The following EGLN1 variants were observed in gnomAD, a reference collection of about 807,000 sequenced individuals.
The protein encoded by EGLN1 is egl-9 family hypoxia inducible factor 1.
EGLN1 carries 17 observed loss-of-function variants against 38.3 expected under a neutral mutation model. The observed-to-expected ratio is 0.44, with a 90% confidence interval of 0.30 to 0.67. The LOEUF (loss-of-function observed/expected upper bound fraction) is 0.67, where lower values mean the gene tolerates loss of function less well. Among genes scored for constraint, EGLN1 ranks in the 30% least tolerant of loss-of-function variants. The probability of loss-of-function intolerance (pLI) is 0.08; values close to 1 mark genes in which losing one functional copy is unlikely to be tolerated. For synonymous variants in EGLN1, 283 were observed against 257.5 expected, an observed-to-expected ratio of 1.10 and a Z score of -0.95; for missense variants, 477 against 603.3, an observed-to-expected ratio of 0.79 and a Z score of 2.19.
intron 1 of EGLN1, among the ~76,000 whole-genome samples, chr1:231,400,645 G>C (rs139860423): frequency 6.6e-6 from 1 of 152,124 alleles, no homozygotes; most frequent in Non-Finnish European, 1.5e-5. Context: ...GTTTTTCCTT[G>C]AGTGTGAGTT....
intron 1 of EGLN1, among the ~76,000 whole-genome samples, chr1:231,394,545 ATTTT>A (rs59597792): frequency 0.55 from 77,118 of 141,248 alleles, 22,193 homozygotes; most frequent in Non-Finnish European, 0.65. Flanking sequence ...CGCCCGACTA[ATTTT>A]TTTTTTTTTT....
At chr1:231,377,325 AC>A (rs1687985150) in intron 1 of EGLN1, among the ~76,000 whole-genome samples, 1 of 152,218 alleles carries the variant, frequency 6.6e-6, no homozygotes, top group African/African-American at 2.4e-5. Context: ...GGAATTAACC[AC>A]TGTACTAGAC....
intron 1 of EGLN1, among the ~76,000 whole-genome samples, chr1:231,414,445 GAGT>G (rs1286804938): frequency 1.3e-5 from 2 of 152,182 alleles, no homozygotes; most frequent in Non-Finnish European, 2.9e-5. Context: ...AGGAAAACAG[GAGT>G]AAACTGTCAC....
intron 1 of EGLN1, among the ~76,000 whole-genome samples, chr1:231,377,697 T>C (rs1014965206): frequency 2.6e-5 from 4 of 152,148 alleles, no homozygotes; most frequent in Non-Finnish European, 5.9e-5. Context: ...GGGATCTGTT[T>C]GTATTATTCA....
chr1:231,394,648 C>T (rs1178659177), intron 1 of EGLN1, among the ~76,000 whole-genome samples: 1 of 151,820 alleles, frequency 6.6e-6, no homozygotes, highest in Non-Finnish European at 1.5e-5. Flanking sequence ...CTCAGCCTCC[C>T]CAAGTGCTGG....
chr1:231,419,546 C>A (rs935553703), intron 1 of EGLN1, among the ~76,000 whole-genome samples: 1 of 151,980 alleles, frequency 6.6e-6, no homozygotes, highest in Non-Finnish European at 1.5e-5. Context: ...TCAGATGTGA[C>A]AATTTCTTAA....
chr1:231,419,189 A>G (rs1656467731), intron 1 of EGLN1, among the ~76,000 whole-genome samples: 1 of 152,192 alleles, frequency 6.6e-6, no homozygotes, highest in Non-Finnish European at 1.5e-5. Context: ...TTACCTGCTA[A>G]TATGTACAGT....
intron 1 of EGLN1, among the ~76,000 whole-genome samples, chr1:231,405,614 G>A (rs926652272): frequency 6.6e-6 from 1 of 152,136 alleles, no homozygotes; most frequent in Admixed American, 6.5e-5. Context: ...CAGTAGTAGA[G>A]AGCCAGATGA....
chr1:231,373,932 A>G, intron 2 of EGLN1, 48 bp downstream of exon 2: 1 of 1,606,646 alleles, frequency 6.2e-7, no homozygotes, highest in Non-Finnish European at 8.5e-7. Context: ...TGCTTTTGAG[A>G]AAAAGACACC....
chr1:231,420,948 C>T (rs750727423), intron 1 of EGLN1, 50 bp downstream of exon 1: 4 of 1,613,778 alleles, frequency 2.5e-6, no homozygotes, highest in South Asian at 2.2e-5. Context: ...CAGGCAGGGG[C>T]TGCCCGCCGA....
intron 1 of EGLN1, among the ~76,000 whole-genome samples, chr1:231,411,902 GGGA>G (rs2102937411): frequency 6.6e-6 from 1 of 151,554 alleles, no homozygotes; most frequent in Non-Finnish European, 1.5e-5. Context: ...AGGAGGCTGA[GGGA>G]GGAGAATCAC....
chr1:231,379,113 G>A (rs1688022505), intron 1 of EGLN1, among the ~76,000 whole-genome samples: 1 of 152,198 alleles, frequency 6.6e-6, no homozygotes, highest in Non-Finnish European at 1.5e-5. Flanking sequence ...GGCAGAGGCA[G>A]GATATGAACT....
intron 1 of EGLN1, among the ~76,000 whole-genome samples, chr1:231,420,767 C>A (rs958734044): frequency 3.3e-5 from 5 of 152,058 alleles, no homozygotes; most frequent in Admixed American, 3.3e-4. Flanking sequence ...TGCAATTAGC[C>A]GGAGAAGTTT....
intron 4 of EGLN1, among the ~76,000 whole-genome samples, chr1:231,366,848 G>A (rs1267793295): frequency 6.6e-6 from 1 of 152,164 alleles, no homozygotes; most frequent in Non-Finnish European, 1.5e-5. Context: ...ATGTAAGGTC[G>A]ACGTGCGATT....
At chr1:231,395,062 G>A (rs1688486650) in intron 1 of EGLN1, among the ~76,000 whole-genome samples, 1 of 152,080 alleles carries the variant, frequency 6.6e-6, no homozygotes, top group Non-Finnish European at 1.5e-5. Flanking sequence ...AACCAGTGTT[G>A]GTTTGGGAGC....
At chr1:231,416,580 A>G (rs2050791) in intron 1 of EGLN1, among the ~76,000 whole-genome samples, 22,935 of 151,782 alleles carry the variant, frequency 0.15, 2,115 homozygotes, top group African/African-American at 0.25. Context: ...TGCCCAAGCC[A>G]GTCTTGAACT....
At position 231,366,565 on chromosome 1, in the gene EGLN1, G is replaced by A. The variant is rs1328756555; in HGVS notation, c.1217-90C>T. ...CATTCCACTGAATTCCTAAGAGTAT[G>A]GACAATATTTCAACTTTGCAAACAT... On this transcript the variant is annotated intron_variant, in intron 4 of 4. Coordinates refer to ENST00000366641, the MANE Select transcript of EGLN1 (RefSeq NM_022051.3). The A allele has an allele frequency of 5.3e-5, 66 of 1,249,930 alleles. 1 individual carries two copies. Among genetic ancestry groups the A allele is most frequent in the Middle Eastern group, 1.9e-4 (1 of 5,378 alleles). The allele number at this position is 1,249,930 out of a possible 1,614,324, so 77.4% of individuals were successfully genotyped here. A position where few individuals can be genotyped will look rare whatever the true frequency, so the allele number is the denominator to read the frequency against.
At chr1:231,378,228 A>G (rs1688003843) in intron 1 of EGLN1, among the ~76,000 whole-genome samples, 1 of 152,152 alleles carries the variant, frequency 6.6e-6, no homozygotes, top group South Asian at 2.1e-4. Context: ...TATAATTGTA[A>G]AAAGAATAAC....
At chr1:231,371,046 T>C (rs896162579) in intron 2 of EGLN1, among the ~76,000 whole-genome samples, 9 of 152,300 alleles carry the variant, frequency 5.9e-5, no homozygotes, top group African/African-American at 2.2e-4. Context: ...TGCGCCACCA[T>C]GTCCAGCTAA....
Sources: allele counts gnomAD v4.1 joint callset (sites outside exome capture counted in the v4.1 genomes callset), GRCh38; gene constraint gnomAD v4.1.1; transcripts MANE v1.5; gene names NCBI Gene and HGNC (gene_info 2026-07-23, HGNC 2026-07-21).